The following TTC3 variants were observed in gnomAD, a reference collection of about 807,000 sequenced individuals.
The protein encoded by TTC3 is E3 ubiquitin-protein ligase TTC3.
TTC3 carries 180 observed loss-of-function variants against 249.6 expected under a neutral mutation model. The ratio of observed to expected loss-of-function variants is 0.72; its 90% CI spans 0.64 to 0.82. TTC3 has a LOEUF of 0.82. Among genes scored for constraint, TTC3 ranks in the 40% least tolerant of loss-of-function variants. TTC3 has a pLI of 0.00. For synonymous variants in TTC3, 717 were observed against 805.0 expected, an observed-to-expected ratio of 0.89 and a Z score of 1.85; for missense variants, 2,061 against 2,398.4, an observed-to-expected ratio of 0.86 and a Z score of 2.94.
Position 37,082,935 on chromosome 21 carries a change from G to T in TTC3, c.-11-4312G>T, listed in dbSNP as rs2071901941. 5.1e-6 allele frequency: 5 copies of T among 982,368 alleles called. No homozygotes were observed. The South Asian group carries it at 2.4e-4, about 46-fold the overall frequency. 60.9% of individuals were successfully genotyped at this position (982,368 alleles called of 1,614,324 possible). On this transcript the variant is annotated intron_variant, in intron 1 of 45. Transcript: ENST00000355666. ...TAAAACTAGTTTACATCTAAGTTAA[G>T]ATTTGAGTTATCCTAAAGAAAAGTA...
intron 6 of TTC3, 88 bp downstream of exon 6, chr21:37,090,374 C>T: frequency 8.2e-7 from 1 of 1,226,920 alleles, no homozygotes; most frequent in East Asian, 2.4e-5. Context: ...TGGGTCCATA[C>T]ACTCAATGTT....
At chr21:37,122,102 T>C (rs2076630638) in intron 12 of TTC3, 123 bp downstream of exon 12, 1 of 924,352 alleles carries the variant, frequency 1.1e-6, no homozygotes, top group East Asian at 2.8e-5. Flanking sequence ...TATTTTATCA[T>C]GTTATCTTGG....
At position 37,128,678 on chromosome 21, in the gene TTC3, T is replaced by C. The variant is rs547698199; in HGVS notation, c.1298-325T>C. ...TTCTTTTCTTCATAAGGATGATTGTTGTTTAACTACTGAAGTGATGTGTCT... is the reference window on the plus strand; with the variant it reads ...TTCTTTTCTTCATAAGGATGATTGTCGTTTAACTACTGAAGTGATGTGTCT... On this transcript the variant is annotated intron_variant, in intron 15 of 45. Transcript: ENST00000355666. 2.6e-5 allele frequency among the ~76,000 whole-genome samples: 4 copies of C among 152,318 alleles called. No individual in the cohort carries two copies. The South Asian group carries it at 8.3e-4, about 32-fold the overall frequency.
chr21:37,160,837 A>G (rs757089993), exon 30 of TTC3: 2 of 1,613,030 alleles, frequency 1.2e-6, no homozygotes, highest in Non-Finnish European at 1.7e-6. Flanking sequence ...AAAGCAAGAA[A>G]AAGAAGCCAA....
chr21:37,167,572 A>G, exon 34 of TTC3: 1 of 1,609,608 alleles, frequency 6.2e-7, no homozygotes, highest in East Asian at 2.2e-5. Context: ...GGAACATAAT[A>G]CACCAAGAAG....
chr21:37,090,535 C>T, intron 6 of TTC3: 2 of 927,332 alleles, frequency 2.2e-6, no homozygotes, highest in Non-Finnish European at 2.6e-6. Flanking sequence ...TTCTTTTTCT[C>T]TTTTAGATTA....
intron 10 of TTC3, among the ~76,000 whole-genome samples, chr21:37,105,927 T>C (rs1299129536): frequency 6.6e-6 from 1 of 152,202 alleles, no homozygotes; most frequent in African/African-American, 2.4e-5. Context: ...TGTGAACATA[T>C]GTATTTATTT....
At chr21:37,197,920 C>T in exon 44 of TTC3, 2 of 1,614,108 alleles carry the variant, frequency 1.2e-6, no homozygotes, top group Non-Finnish European at 1.7e-6. Flanking sequence ...ATGAGCCCAG[C>T]TCTGCCACCC....
At chr21:37,132,878 G>A (rs2077592091) in intron 17 of TTC3, 112 bp downstream of exon 17, 4 of 743,876 alleles carry the variant, frequency 5.4e-6, no homozygotes, top group Non-Finnish European at 6.0e-6. Flanking sequence ...TATAATTATT[G>A]TATTATATTG....
chr21:37,097,987 C>T (rs899573590), intron 10 of TTC3: 1 of 711,370 alleles, frequency 1.4e-6, no homozygotes, highest in Non-Finnish European at 2.6e-6. Context: ...CACCAGTAAT[C>T]CAACCACCTT....
intron 10 of TTC3, among the ~76,000 whole-genome samples, chr21:37,107,272 G>A (rs1340031367): frequency 6.6e-6 from 1 of 152,166 alleles, no homozygotes; most frequent in Admixed American, 6.5e-5. Flanking sequence ...GGTACCCTGA[G>A]GAGATAGGAA....
chr21:37,193,715 A>G (rs554077813), intron 41 of TTC3: 1 of 152,358 alleles, frequency 6.6e-6, no homozygotes, highest in East Asian at 1.9e-4. Flanking sequence ...TCATTCATTC[A>G]TTCGGTAATT....
At chr21:37,097,130 T>C (rs2074020046) in intron 10 of TTC3, among the ~76,000 whole-genome samples, 1 of 152,158 alleles carries the variant, frequency 6.6e-6, no homozygotes, top group East Asian at 1.9e-4. Flanking sequence ...ATATCCTTCA[T>C]AAGTGAAAGA....
chr21:37,087,138 T>C, intron 1 of TTC3, 109 bp from the exon 2 acceptor site: 1 of 1,245,704 alleles, frequency 8.0e-7, no homozygotes, highest in South Asian at 1.5e-5. Flanking sequence ...GTTATTTCCT[T>C]GGGCATAGGT....
intron 36 of TTC3, among the ~76,000 whole-genome samples, chr21:37,184,280 T>C (rs2083024089): frequency 6.6e-6 from 1 of 152,224 alleles, no homozygotes. Flanking sequence ...ACTGTCAAAC[T>C]AGACAAGGTA....
intron 43 of TTC3, 52 bp from the exon 44 acceptor site, chr21:37,197,830 A>G (rs2085083309): frequency 4.4e-6 from 7 of 1,581,622 alleles, no homozygotes; most frequent in Middle Eastern, 1.7e-4. Context: ...GTTGTTGGAT[A>G]ACTGGTTGCT....
At chr21:37,157,255 T>C (rs1262403507) in intron 28 of TTC3, 4 of 1,186,714 alleles carry the variant, frequency 3.4e-6, no homozygotes, top group Non-Finnish European at 4.5e-6. Flanking sequence ...AACATTGGTC[T>C]GCAGAAGTAG....
At chr21:37,091,223 A>G (rs2073223188) in intron 6 of TTC3, 70 bp from the exon 7 acceptor site, 1 of 1,510,854 alleles carries the variant, frequency 6.6e-7, no homozygotes, top group East Asian at 2.3e-5. Context: ...CATAAGATGA[A>G]TTTATAATGC....
chr21:37,076,157 G>A (rs2070834431), intron 1 of TTC3, among the ~76,000 whole-genome samples: 1 of 152,054 alleles, frequency 6.6e-6, no homozygotes, highest in Admixed American at 6.5e-5. Context: ...TGTATTGTAT[G>A]GTTTCTGTTG....
Sources: allele counts gnomAD v4.1 joint callset (sites outside exome capture counted in the v4.1 genomes callset), GRCh38; gene constraint gnomAD v4.1.1; transcripts MANE v1.5; gene names NCBI Gene and HGNC (gene_info 2026-07-23, HGNC 2026-07-21).